The following MTMR9 variants were observed in gnomAD, a reference collection of about 807,000 sequenced individuals.
The protein encoded by MTMR9 is myotubularin related protein 9, also known as myotubularin-related protein 9.
In MTMR9, 39 loss-of-function variants were observed where a neutral mutation model predicts 69.5. The observed-to-expected ratio is 0.56, with a 90% CI of 0.43 to 0.73. The LOEUF (loss-of-function observed/expected upper bound fraction) is 0.73. Ranked by LOEUF, MTMR9 falls within the 30% of genes least tolerant of loss-of-function variation. The probability of loss-of-function intolerance (pLI) is 0.00; values close to 1 mark genes in which losing one functional copy is unlikely to be tolerated. For missense variants in MTMR9, 900 were observed against 671.2 expected (o/e 1.34, Z -3.77); for synonymous variants, 354 against 240.8 (o/e 1.47, Z -4.35).
At chr8:11,285,380 C>G (rs1373019437) in intron 1 of MTMR9, 1 of 260,856 alleles carries the variant, frequency 3.8e-6, no homozygotes, top group African/African-American at 2.2e-5. Flanking sequence ...TCTTCTTGCC[C>G]CATCGTATTC....
chr8:11,321,721 T>A (rs566170276), intron 9 of MTMR9: 1 of 288,922 alleles, frequency 3.5e-6, no homozygotes, highest in South Asian at 3.4e-5. Context: ...CAGCTAACCA[T>A]TAATATTTAG....
chr8:11,322,560 A>G (rs1053002526), intron 9 of MTMR9, 65 bp from the exon 10 acceptor site: 1 of 1,372,810 alleles, frequency 7.3e-7, no homozygotes, highest in African/African-American at 1.5e-5. Flanking sequence ...TCTTATCCAC[A>G]AATGTAATTT....
chr8:11,300,216 G>T, intron 3 of MTMR9, 68 bp downstream of exon 3: 1 of 1,552,066 alleles, frequency 6.4e-7, no homozygotes, highest in Non-Finnish European at 8.8e-7. Flanking sequence ...TTGTGAAAAT[G>T]ATCACTTCTT....
chr8:11,287,990 A>G (rs1585104421), intron 1 of MTMR9, among the ~76,000 whole-genome samples: 2 of 123,348 alleles, frequency 1.6e-5, no homozygotes, highest in Admixed American at 2.0e-4. Flanking sequence ...TATATAATAT[A>G]TATTACATAT....
chr8:11,333,782 C>T, the MTMR9 span, among the ~76,000 whole-genome samples: 148 of 152,306 alleles, frequency 9.7e-4, no homozygotes, highest in African/African-American at 3.4e-3. Context: ...GGATGGTAGA[C>T]AGTAACTCAA....
Position 11,300,105 on chromosome 8 carries a change from A to T in MTMR9, c.374A>T (p.His125Leu). 1 of 1,613,302 alleles carries T rather than the reference A, an allele frequency of 6.2e-7. No individual in the cohort carries two copies. Among genetic ancestry groups the T allele is most frequent in the Non-Finnish European group, 8.5e-7 (1 of 1,179,414 alleles). Residue 125 changes from histidine to leucine, a missense_variant, in exon 3 of 10, where the codon CAT becomes CTT. Coordinates refer to ENST00000221086, the MANE Select transcript of MTMR9 (RefSeq NM_015458.4). The stretch of plus-strand genomic sequence containing the variant: ...TTTGAAGTGATAGAAGATGGCTGGC[A>T]TTCCTTCCTTCCTGAGCAAGAATTT... ...PMFEVIEDGW[H>L]SFLPEQEFEL...
chr8:11,319,422 A>G (rs1215574273), intron 8 of MTMR9: 2 of 437,334 alleles, frequency 4.6e-6, no homozygotes, highest in East Asian at 9.3e-5. Flanking sequence ...TTAACACCAA[A>G]CCTGATGTGA....
In MTMR9 at chr8:11,295,266, A is replaced by C; in HGVS notation, c.255A>C (p.Gly85=). 6.2e-7 allele frequency: 1 copy of C among 1,609,880 alleles called. No homozygotes were observed. The highest frequency in any genetic ancestry group is 1.1e-5 in the South Asian group (1 of 90,902). ...DFRIIQLDIP[G]MEECLNIASS... ...GAATTATTCAGTTGGATATTCCTGGAATGGAGGAATGCTTGAATATAGCCA... is the reference window on the plus strand; with the variant it reads ...GAATTATTCAGTTGGATATTCCTGGCATGGAGGAATGCTTGAATATAGCCA... Residue 85 remains glycine, a synonymous_variant, in exon 2 of 10, where the codon GGA becomes GGC. Transcript: ENST00000221086.
chr8:11,334,732 G>T, the MTMR9 span, among the ~76,000 whole-genome samples: 2 of 152,234 alleles, frequency 1.3e-5, no homozygotes, highest in East Asian at 3.9e-4. Context: ...AAAAAAGAAT[G>T]ATGTCCCATG....
intron 2 of MTMR9, chr8:11,298,677 A>G (rs558768147): frequency 5.1e-6 from 4 of 784,852 alleles, no homozygotes; most frequent in Non-Finnish European, 6.2e-6. Flanking sequence ...TCATTCCTGC[A>G]GTTTGAATTA....
intron 1 of MTMR9, among the ~76,000 whole-genome samples, chr8:11,286,685 A>C (rs1381235546): frequency 6.7e-6 from 1 of 149,310 alleles, no homozygotes; most frequent in Non-Finnish European, 1.5e-5. Flanking sequence ...AAAAAAAAAA[A>C]AAAAAAGTCT....
chr8:11,322,566 A>G (rs1800743082), intron 9 of MTMR9, 59 bp from the exon 10 acceptor site: 1 of 1,416,666 alleles, frequency 7.1e-7, no homozygotes, highest in African/African-American at 1.4e-5. Context: ...CCACAAATGT[A>G]ATTTTAATCC....
chr8:11,329,889 C>T (rs939317866), downstream of MTMR9, among the ~76,000 whole-genome samples: 1 of 151,970 alleles, frequency 6.6e-6, no homozygotes, highest in African/African-American at 2.4e-5. Context: ...GCCCAGCTGC[C>T]CATCATCTGA....
downstream of MTMR9, chr8:11,331,338 C>G (rs762114863): frequency 4.3e-6 from 7 of 1,613,858 alleles, no homozygotes; most frequent in Non-Finnish European, 5.9e-6. Context: ...CTGTCGATGC[C>G]TCTTCCACCT....
At chr8:11,319,448 A>G (rs75862247) in intron 8 of MTMR9, 5 of 487,452 alleles carry the variant, frequency 1.0e-5, no homozygotes, top group African/African-American at 9.8e-5. Flanking sequence ...TTCTGTTTTT[A>G]TCCTCCTGCC....
chr8:11,289,165 T>A (rs1429096673), intron 1 of MTMR9, among the ~76,000 whole-genome samples: 1 of 152,134 alleles, frequency 6.6e-6, no homozygotes, highest in Non-Finnish European at 1.5e-5. Context: ...AGAGTGAGTC[T>A]CTGTCTCAAA....
Position 11,284,822 on chromosome 8 carries a change from TC to T in MTMR9, c.-64del. ...CCCCGCGCCGGGTGTTTCCGCTACT[TC>T]CCTGCGGCGGGGTAACCGCCTCGCA... On this transcript the variant is annotated 5_prime_UTR_variant, in exon 1 of 10. Coordinates refer to ENST00000221086, the MANE Select transcript of MTMR9 (RefSeq NM_015458.4). 7.0e-7 allele frequency: 1 copy of T among 1,436,088 alleles called. No homozygotes were observed. Among genetic ancestry groups the T allele is most frequent in the South Asian group, 1.3e-5 (1 of 74,858 alleles). The allele number at this position is 1,436,088 out of a possible 1,614,324, so 89.0% of individuals were successfully genotyped here.
At chr8:11,290,534 C>G (rs963820066) in intron 1 of MTMR9, among the ~76,000 whole-genome samples, 1 of 151,998 alleles carries the variant, frequency 6.6e-6, no homozygotes, top group African/African-American at 2.4e-5. Context: ...CCCCAAATCA[C>G]CAGGATGTTC....
At chr8:11,294,566 G>C (rs4532565) in intron 1 of MTMR9, among the ~76,000 whole-genome samples, 1 of 143,662 alleles carries the variant, frequency 7.0e-6, no homozygotes, top group Non-Finnish European at 1.5e-5. Context: ...CAGTGGCTCA[G>C]ACTCGGCTCA....
Sources: gnomAD v4.1 joint callset for allele counts (sites outside exome capture counted in the v4.1 genomes callset) on GRCh38, gnomAD v4.1.1 for gene constraint, MANE v1.5 for transcripts, NCBI Gene and HGNC (gene_info 2026-07-23, HGNC 2026-07-21) for gene names.